The following HNRNPC variants were observed in gnomAD, a reference collection of about 807,000 sequenced individuals.
The protein encoded by HNRNPC is heterogeneous nuclear ribonucleoprotein C, also known as heterogeneous nuclear ribonucleoproteins C1/C2.
In HNRNPC, 3 loss-of-function variants were observed where a neutral mutation model predicts 33.2. The observed-to-expected ratio is 0.09, with a 90% confidence interval of 0.04 to 0.23. HNRNPC has a LOEUF of 0.23. Ranked by LOEUF, HNRNPC falls within the 10% of genes least tolerant of loss-of-function variation. The pLI, the probability that HNRNPC is intolerant of heterozygous loss-of-function variation, is 1.00. For synonymous variants in HNRNPC, 121 were observed against 126.7 expected (o/e 0.96, Z 0.30); for missense variants, 143 against 366.7 (o/e 0.39, Z 4.98).
chr14:21,268,342 GGAAGTTACGTTAAAAA>G (rs1480321790), intron 1 of HNRNPC, among the ~76,000 whole-genome samples: 34 of 152,250 alleles, frequency 2.2e-4, no homozygotes, highest in Non-Finnish European at 3.5e-4. Flanking sequence ...CTTACACTTA[GGAAGTTACGTTAAAAA>G]ATTCTCAAGT....
rs991974857 is a variant in HNRNPC, at chr14:21,269,358, G to A, written c.-123C>T. ...CTCCTACTCCCGGGTTCTGCGTAGA[G>A]AAGCCGACTGCTGCTGGAGGTCGGC... On this transcript the variant is annotated 5_prime_UTR_variant, in exon 1 of 9. Coordinates refer to ENST00000553300, the MANE Select transcript of HNRNPC (RefSeq NM_004500.4). The A allele has an allele frequency of 6.5e-6, 1 of 154,108 alleles. No homozygotes were observed. 9.5% of individuals were successfully genotyped at this position (154,108 alleles called of 1,614,324 possible). A position where few individuals can be genotyped will look rare whatever the true frequency, so the allele number is the denominator to read the frequency against.
intron 2 of HNRNPC, among the ~76,000 whole-genome samples, chr14:21,258,728 G>T (rs1877660090): frequency 6.6e-6 from 1 of 152,094 alleles, no homozygotes; most frequent in Admixed American, 6.6e-5. Context: ...ACCCAACAAG[G>T]TATCAGAAAT....
At chr14:21,225,551 T>TA (rs369757684) in intron 5 of HNRNPC, among the ~76,000 whole-genome samples, 25 of 152,220 alleles carry the variant, frequency 1.6e-4, no homozygotes, top group African/African-American at 6.0e-4. Context: ...CTTTTAATTC[T>TA]AAAAGGTGTC....
intron 5 of HNRNPC, among the ~76,000 whole-genome samples, chr14:21,215,898 TAAAA>T (rs3064165): frequency 2.0e-5 from 2 of 98,586 alleles, no homozygotes; most frequent in Non-Finnish European, 2.0e-5. Context: ...GACTCCGTCT[TAAAA>T]AAAAAAAAAA....
intron 4 of HNRNPC, 47 bp from the exon 5 acceptor site, chr14:21,230,413 A>G (rs1203003991): frequency 7.2e-7 from 1 of 1,396,644 alleles, no homozygotes; most frequent in East Asian, 2.3e-5. Flanking sequence ...TGTTTCTACT[A>G]ATTCACAATG....
chr14:21,233,518 G>GT lies in HNRNPC; in HGVS notation c.241+434dup, dbSNP rs1894340297. Among the ~76,000 whole-genome samples the GT allele has an allele frequency of 2.0e-5, 3 of 152,172 alleles. No homozygotes were observed. The South Asian group carries it at 6.2e-4, about 31-fold the overall frequency. On this transcript the variant is annotated intron_variant, in intron 3 of 8. Transcript: ENST00000553300. ...GCTTGAATAAACCAAATCATAGGTA[G>GT]TAAGTACTCTGAGGTGTCATTACAT...
chr14:21,242,168 T>C (rs1422523992), intron 2 of HNRNPC, among the ~76,000 whole-genome samples: 1 of 152,104 alleles, frequency 6.6e-6, no homozygotes, highest in Non-Finnish European at 1.5e-5. Context: ...AAATGGATCA[T>C]AAATATAATC....
chr14:21,222,979 T>TCA (rs1893002311), intron 5 of HNRNPC, among the ~76,000 whole-genome samples: 1 of 151,886 alleles, frequency 6.6e-6, no homozygotes, highest in Non-Finnish European at 1.5e-5. Flanking sequence ...GGCGGCCAGA[T>TCA]CTCGAGGTCA....
At position 21,231,137 on chromosome 14, in the gene HNRNPC, T is replaced by A. The variant is rs1029107210; in HGVS notation, c.242-65A>T. On this transcript the variant is annotated intron_variant, in intron 3 of 8. Transcript: ENST00000553300. ...TCCGGGTAAAACAAACTACAAAGTT[T>A]ATTTTTTTTATTTTTGAGACATAGT... 8 of 1,466,358 alleles carry A rather than the reference T, an allele frequency of 5.5e-6. No homozygotes were observed. The African/African-American group carries it at 1.1e-4, about 21-fold the overall frequency. The allele number at this position is 1,466,358 out of a possible 1,614,324, so 90.8% of individuals were successfully genotyped here. A position where few individuals can be genotyped will look rare whatever the true frequency, so the allele number is the denominator to read the frequency against.
rs1894400790 is a variant in HNRNPC, at chr14:21,234,081, G to A, written c.113C>T (p.Ser38Leu). The change falls in exon 3 of 9, where the codon TCG becomes TTG. Residue 38 changes from serine to leucine, a missense_variant. By Grantham distance (145) the Ser-to-Leu change is moderately radical. Transcript: ENST00000553300. ...VKKSDVEAIF[S>L]KYGKIVGCSV... ...GCAGCCCACAATTTTGCCATACTTC[G>A]AAAAGATTGCCTCCACATCAGATTT... 5 of 1,613,868 alleles carry A rather than the reference G, an allele frequency of 3.1e-6. No homozygotes were observed. The highest frequency in any genetic ancestry group is 4.2e-6 in the Non-Finnish European group (5 of 1,179,848).
At chr14:21,213,181 A>C in intron 5 of HNRNPC, 64 bp from the exon 6 acceptor site, 1 of 1,472,154 alleles carries the variant, frequency 6.8e-7, no homozygotes, top group Non-Finnish European at 9.3e-7. Context: ...AATTCAACAG[A>C]CCTTATGATA....
At chr14:21,231,167 C>T in intron 3 of HNRNPC, 95 bp from the exon 4 acceptor site, 2 of 1,251,068 alleles carry the variant, frequency 1.6e-6, no homozygotes, top group African/African-American at 1.5e-5. Flanking sequence ...CATAGTTTCG[C>T]TTTCTCGCTC....
chr14:21,224,003 A>G (rs2139568196), intron 5 of HNRNPC, among the ~76,000 whole-genome samples: 1 of 152,280 alleles, frequency 6.6e-6, no homozygotes, highest in African/African-American at 2.4e-5. Context: ...CTGCTCTGTG[A>G]AACACATGCC....
At chr14:21,214,911 T>C (rs1891994955) in intron 5 of HNRNPC, among the ~76,000 whole-genome samples, 1 of 152,194 alleles carries the variant, frequency 6.6e-6, no homozygotes. Flanking sequence ...AGCTTAAGCC[T>C]CAGTCCAATG....
At chr14:21,222,391 T>C (rs1348379492) in intron 5 of HNRNPC, among the ~76,000 whole-genome samples, 4 of 151,684 alleles carry the variant, frequency 2.6e-5, no homozygotes, top group African/African-American at 9.8e-5. Flanking sequence ...TTTGTTTTTT[T>C]TTCCTGTACG....
Position 21,211,936 on chromosome 14 carries a change from C to T in HNRNPC, c.524-13G>A. 1 of 1,568,282 alleles carries T rather than the reference C, an allele frequency of 6.4e-7. No individual in the cohort carries two copies. Among genetic ancestry groups the T allele is most frequent in the Non-Finnish European group, 8.8e-7 (1 of 1,139,672 alleles). ...TCATCTCCTTTCACTTTAATATAAA[C>T]AAAATACTAGATTAAAATCAAATGT... On this transcript the variant is annotated splice_polypyrimidine_tract_variant and intron_variant, in intron 6 of 8. Transcript: ENST00000553300.
intron 2 of HNRNPC, among the ~76,000 whole-genome samples, chr14:21,251,696 T>C (rs1411074298): frequency 6.6e-6 from 1 of 152,064 alleles, no homozygotes; most frequent in Admixed American, 6.6e-5. Context: ...AAGACACACG[T>C]ATTAGGAAAA....
At chr14:21,253,191 G>C (rs1256404852) in intron 2 of HNRNPC, among the ~76,000 whole-genome samples, 1 of 121,874 alleles carries the variant, frequency 8.2e-6, no homozygotes, top group Non-Finnish European at 1.7e-5. Context: ...AAAAAAAAAA[G>C]ACTGGCCAGG....
chr14:21,232,322 A>C (rs1894205886), intron 3 of HNRNPC, among the ~76,000 whole-genome samples: 1 of 152,160 alleles, frequency 6.6e-6, no homozygotes, highest in African/African-American at 2.4e-5. Flanking sequence ...CTTCATTTTA[A>C]TATACAAATG....
Sources: gnomAD v4.1 joint callset for allele counts (sites outside exome capture counted in the v4.1 genomes callset) on GRCh38, gnomAD v4.1.1 for gene constraint, MANE v1.5 for transcripts, NCBI Gene and HGNC (gene_info 2026-07-23, HGNC 2026-07-21) for gene names.